ALK: variants seen among roughly 807,000 people sequenced by gnomAD.
ALK encodes the protein ALK receptor tyrosine kinase.
Under a neutral mutation model 163.1 loss-of-function variants are expected in ALK, and 74 were observed. That is an observed-to-expected ratio of 0.45 (90% CI 0.38 to 0.55). ALK has a LOEUF of 0.55. ALK is among the 20% of genes least tolerant of loss of function. The probability of loss-of-function intolerance (pLI) is 0.00; values close to 1 mark genes in which losing one functional copy is unlikely to be tolerated. For missense variants in ALK, 2,063 were observed against 2,105.3 expected (o/e 0.98, Z 0.39); for synonymous variants, 960 against 843.2 (o/e 1.14, Z -2.40).
At chr2:29,695,112 C>A in intron 2 of ALK, 98 bp from the exon 3 acceptor site, 2 of 1,386,318 alleles carry the variant, frequency 1.4e-6, no homozygotes, top group Non-Finnish European at 2.0e-6. Flanking sequence ...TTCATCTCCC[C>A]ACATCCTTTG....
intron 3 of ALK, among the ~76,000 whole-genome samples, chr2:29,657,396 G>A (rs151120314): frequency 9.1e-4 from 137 of 151,012 alleles, no homozygotes; most frequent in Non-Finnish European, 1.6e-3. Context: ...AATGGGGACA[G>A]CATAGAAGGG....
chr2:29,252,713 T>A (rs1048716036), intron 11 of ALK, among the ~76,000 whole-genome samples: 36 of 151,826 alleles, frequency 2.4e-4, no homozygotes, highest in Admixed American at 1.2e-3. Flanking sequence ...TTATTTATTT[T>A]TTGCAAAGGA....
intron 4 of ALK, among the ~76,000 whole-genome samples, chr2:29,427,933 C>G (rs1670185089): frequency 6.6e-6 from 1 of 152,200 alleles, no homozygotes; most frequent in South Asian, 2.1e-4. Flanking sequence ...ATTATTTTCT[C>G]TGACCATAAT....
chr2:29,701,294 T>G (rs1339061228), intron 2 of ALK, among the ~76,000 whole-genome samples: 1 of 152,184 alleles, frequency 6.6e-6, no homozygotes, highest in South Asian at 2.1e-4. Context: ...CTAAATCACC[T>G]TGGGTCAGTT....
rs141545902 is a variant in ALK at position 29,879,666 on chromosome 2, C to A, written c.667+40327G>T. Among the ~76,000 whole-genome samples the A allele has an allele frequency of 5.1e-3, 774 of 152,266 alleles. 5 individuals carry two copies. The highest frequency in any genetic ancestry group is 7.8e-3 in the Non-Finnish European group (532 of 68,014). On this transcript the variant is annotated intron_variant, in intron 1 of 28. Coordinates refer to ENST00000389048, the MANE Select transcript of ALK (RefSeq NM_004304.5). ...TCAAACAATGGGGTACTTATTCTAT[C>A]CTTTTCTCCCCAAAGTGACAGAGTG...
At chr2:29,719,095 C>T (rs1679352153) in intron 1 of ALK, among the ~76,000 whole-genome samples, 5 of 152,238 alleles carry the variant, frequency 3.3e-5, no homozygotes, top group Admixed American at 2.0e-4. Flanking sequence ...CACTATTTTA[C>T]CTGCAGGTGC....
chr2:29,421,078 G>A (rs1026869513), intron 4 of ALK, among the ~76,000 whole-genome samples: 2 of 151,480 alleles, frequency 1.3e-5, no homozygotes, highest in Admixed American at 6.6e-5. Context: ...AAACAGTGTC[G>A]TTGGTTCTGT....
At chr2:29,355,264 G>A (rs1223196711) in intron 5 of ALK, among the ~76,000 whole-genome samples, 1 of 152,176 alleles carries the variant, frequency 6.6e-6, no homozygotes, top group Non-Finnish European at 1.5e-5. Context: ...GGCATGGTGG[G>A]CATCCTGATT....
chr2:29,463,731 T>G (rs1253014887), intron 4 of ALK, among the ~76,000 whole-genome samples: 1 of 152,164 alleles, frequency 6.6e-6, no homozygotes, highest in Non-Finnish European at 1.5e-5. Flanking sequence ...AGAGAGAATA[T>G]GAGTGTTCTG....
chr2:29,204,911 T>C (rs77216900), intron 26 of ALK, among the ~76,000 whole-genome samples: 5,866 of 152,212 alleles, frequency 0.039, 173 homozygotes, highest in Non-Finnish European at 0.058. Context: ...ACTATTGAGG[T>C]TGACCTTGAG....
chr2:29,613,102 C>T (rs953488533), intron 3 of ALK, among the ~76,000 whole-genome samples: 4 of 152,194 alleles, frequency 2.6e-5, no homozygotes, highest in Non-Finnish European at 5.9e-5. Flanking sequence ...GTCCTATTTA[C>T]ATTTCAATCC....
At chr2:29,740,698 G>A (rs1232099530) in intron 1 of ALK, among the ~76,000 whole-genome samples, 5 of 152,050 alleles carry the variant, frequency 3.3e-5, no homozygotes, top group African/African-American at 1.2e-4. Context: ...ATCATTCAGC[G>A]CTCAAAAGAA....
chr2:29,303,749 G>T (rs1666431383), intron 8 of ALK, among the ~76,000 whole-genome samples: 1 of 152,210 alleles, frequency 6.6e-6, no homozygotes, highest in African/African-American at 2.4e-5. Flanking sequence ...GGATGCAGCT[G>T]GAGGCCATTA....
rs1026218173 is a variant in ALK at position 29,284,694 on chromosome 2, G to A, written c.1818-9198C>T. Among the ~76,000 whole-genome samples the A allele has an allele frequency of 3.9e-5, 6 of 152,140 alleles. No individual in the cohort carries two copies. The East Asian group carries it at 9.6e-4, about 24-fold the overall frequency. On this transcript the variant is annotated intron_variant, in intron 9 of 28. Coordinates refer to ENST00000389048, the MANE Select transcript of ALK (RefSeq NM_004304.5). ...GTCCCAAACGTCACAGTAAATCAGC[G>A]TTAGAAATAAGATTTAAAGCTCAGA...
At chr2:29,781,659 C>T (rs1260028413) in intron 1 of ALK, among the ~76,000 whole-genome samples, 3 of 152,178 alleles carry the variant, frequency 2.0e-5, no homozygotes, top group Non-Finnish European at 2.9e-5. Flanking sequence ...ATCTCCTAAA[C>T]CTGTGTCTGA....
rs112305583 is a variant in ALK, at chr2:29,844,162, G to A, written c.667+75831C>T. ...GAACTGCTATCTGAAGGATAAGAAG[G>A]AGTTGTCTGGACAACAAAGGAAAAA... On this transcript the variant is annotated intron_variant, in intron 1 of 28. Coordinates refer to ENST00000389048, the MANE Select transcript of ALK (RefSeq NM_004304.5). 5.0e-3 allele frequency among the ~76,000 whole-genome samples: 761 copies of A among 152,264 alleles called. 7 individuals are homozygous for A. Among genetic ancestry groups the A allele is most frequent in the Non-Finnish European group, 8.8e-3 (597 of 68,018 alleles).
chr2:29,414,234 C>G (rs1302935619), intron 4 of ALK, among the ~76,000 whole-genome samples: 1 of 152,130 alleles, frequency 6.6e-6, no homozygotes, highest in African/African-American at 2.4e-5. Context: ...TGAAAGAACC[C>G]CTTACTATCT....
chr2:29,202,281 G>T (rs992529632), intron 26 of ALK, among the ~76,000 whole-genome samples: 3 of 151,948 alleles, frequency 2.0e-5, no homozygotes, highest in African/African-American at 4.8e-5. Context: ...GCTTCCCCCC[G>T]CCCACCTTTG....
intron 1 of ALK, among the ~76,000 whole-genome samples, chr2:29,828,490 A>C (rs537486419): frequency 6.6e-6 from 1 of 152,106 alleles, no homozygotes; most frequent in African/African-American, 2.4e-5. Context: ...ACCCCATCAA[A>C]AAGTGGGCGA....
Sources: allele counts gnomAD v4.1 joint callset (sites outside exome capture counted in the v4.1 genomes callset), GRCh38; gene constraint gnomAD v4.1.1; transcripts MANE v1.5; gene names NCBI Gene and HGNC (gene_info 2026-07-23, HGNC 2026-07-21).